GABRA4: variants seen among roughly 807,000 people sequenced by gnomAD.
The protein encoded by GABRA4 is gamma-aminobutyric acid receptor subunit alpha-4.
GABRA4 carries 12 observed loss-of-function variants against 49.7 expected under a neutral mutation model. The observed-to-expected ratio is 0.24, with a 90% CI of 0.15 to 0.39. The LOEUF (loss-of-function observed/expected upper bound fraction) is 0.39. GABRA4 is among the 10% of genes least tolerant of loss of function. The probability of loss-of-function intolerance (pLI) is 1.00; values close to 1 mark genes in which losing one functional copy is unlikely to be tolerated. For missense variants in GABRA4, 506 were observed against 686.0 expected, an observed-to-expected ratio of 0.74 and a Z score of 2.93; for synonymous variants, 288 against 240.2, an observed-to-expected ratio of 1.20 and a Z score of -1.84.
chr4:46,929,695 C>T (rs1721360592), intron 8 of GABRA4, among the ~76,000 whole-genome samples: 1 of 152,074 alleles, frequency 6.6e-6, no homozygotes, highest in Admixed American at 6.6e-5. Context: ...ATACCCACGT[C>T]TGAGTTTTTA....
intron 8 of GABRA4, among the ~76,000 whole-genome samples, chr4:46,964,479 G>A (rs1722683201): frequency 6.6e-6 from 1 of 151,796 alleles, no homozygotes; most frequent in African/African-American, 2.4e-5. Context: ...TTTCCATGAT[G>A]TGCTTATTTC....
chr4:46,978,776 C>A (rs1330628313), intron 3 of GABRA4, among the ~76,000 whole-genome samples: 1 of 149,214 alleles, frequency 6.7e-6, no homozygotes, highest in Non-Finnish European at 1.5e-5. Flanking sequence ...CTAGGTTGTG[C>A]TATAGGAACC....
At chr4:46,949,855 A>AT (rs1008882091) in intron 8 of GABRA4, among the ~76,000 whole-genome samples, 3 of 151,976 alleles carry the variant, frequency 2.0e-5, no homozygotes, top group Admixed American at 6.6e-5. Flanking sequence ...GGAGAGATTC[A>AT]TTTTTTTTAA....
At chr4:46,976,154 GAAGGA>G (rs2109391855) in intron 5 of GABRA4, among the ~76,000 whole-genome samples, 1 of 151,768 alleles carries the variant, frequency 6.6e-6, no homozygotes, top group South Asian at 2.1e-4. Context: ...GAGCTTAAGG[GAAGGA>G]ATCTCATATT....
At chr4:46,944,143 C>CA (rs1284216209) in intron 8 of GABRA4, among the ~76,000 whole-genome samples, 2 of 152,004 alleles carry the variant, frequency 1.3e-5, no homozygotes, top group African/African-American at 2.4e-5. Flanking sequence ...TCACCACACA[C>CA]AAAAAAGTAT....
intron 8 of GABRA4, among the ~76,000 whole-genome samples, chr4:46,956,455 C>G (rs948323092): frequency 1.3e-5 from 2 of 151,740 alleles, no homozygotes; most frequent in African/African-American, 4.8e-5. Flanking sequence ...GTTTATATAC[C>G]CTTTAGGAAT....
chr4:46,939,849 C>A (rs994163295), intron 8 of GABRA4, among the ~76,000 whole-genome samples: 2 of 151,844 alleles, frequency 1.3e-5, no homozygotes, highest in African/African-American at 4.8e-5. Context: ...TCTTACTGAT[C>A]GTTCTTACTC....
intron 8 of GABRA4, among the ~76,000 whole-genome samples, chr4:46,936,307 T>A (rs556798072): frequency 6.6e-6 from 1 of 152,272 alleles, no homozygotes; most frequent in Admixed American, 6.5e-5. Context: ...TGGAGTGCAA[T>A]GGCGTAATCT....
chr4:46,971,045 A>G (rs781008081), intron 7 of GABRA4, 38 bp downstream of exon 7: 1 of 1,580,836 alleles, frequency 6.3e-7, no homozygotes, highest in Non-Finnish European at 8.6e-7. Flanking sequence ...ATAAAATGTA[A>G]TGTGAACAAA....
intron 2 of GABRA4, among the ~76,000 whole-genome samples, chr4:46,990,812 C>T (rs1257050850): frequency 6.6e-6 from 1 of 152,316 alleles, no homozygotes; most frequent in Non-Finnish European, 1.5e-5. Flanking sequence ...GCAGTGTAGG[C>T]AACCTATCCC....
chr4:46,963,172 G>C (rs1353481944), intron 8 of GABRA4, among the ~76,000 whole-genome samples: 2 of 151,782 alleles, frequency 1.3e-5, no homozygotes, highest in African/African-American at 4.8e-5. Flanking sequence ...CATAGATTGG[G>C]AGAAAATATC....
At chr4:46,947,559 A>G (rs557662540) in intron 8 of GABRA4, among the ~76,000 whole-genome samples, 3 of 152,048 alleles carry the variant, frequency 2.0e-5, no homozygotes, top group African/African-American at 7.2e-5. Flanking sequence ...GAAGGATAGA[A>G]AGAAGAAAAG....
chr4:46,979,859 G>A (rs534735568), intron 2 of GABRA4, among the ~76,000 whole-genome samples: 16 of 152,160 alleles, frequency 1.1e-4, no homozygotes, highest in African/African-American at 2.6e-4. Flanking sequence ...ACTGTTTCCC[G>A]TATCTAAATA....
chr4:46,957,203 T>A (rs997071), intron 8 of GABRA4, among the ~76,000 whole-genome samples: 79,019 of 151,524 alleles, frequency 0.52, 20,919 homozygotes, highest in East Asian at 0.7. Context: ...TAAGGCCATA[T>A]CCTCAAGATC....
intron 8 of GABRA4, among the ~76,000 whole-genome samples, chr4:46,941,072 C>T (rs962524934): frequency 6.6e-6 from 1 of 151,790 alleles, no homozygotes; most frequent in African/African-American, 2.4e-5. Flanking sequence ...AGCTGAGTTG[C>T]AATTTATGGC....
At position 46,993,344 on chromosome 4, in the gene GABRA4, C is replaced by A; in HGVS notation, c.81G>T (p.Ala27=). 1 of 1,614,156 alleles carries A rather than the reference C, an allele frequency of 6.2e-7. No homozygotes were observed. The highest frequency in any genetic ancestry group is 8.5e-7 in the Non-Finnish European group (1 of 1,179,974). The part of the protein sequence containing the change: ...SFALLRFLCL[A]VCLNESPGQN... ...TCGCACCCCAGAGAACTCACCAAAC[C>A]GCCAGGCACAGGAAGCGCAGGAGGG... Residue 27 remains alanine (A), a synonymous_variant, in exon 1 of 9, where the codon GCG becomes GCT. Coordinates refer to ENST00000264318, the MANE Select transcript of GABRA4 (RefSeq NM_000809.4).
intron 8 of GABRA4, among the ~76,000 whole-genome samples, chr4:46,944,817 T>C (rs1329612060): frequency 6.6e-6 from 1 of 152,252 alleles, no homozygotes; most frequent in African/African-American, 2.4e-5. Context: ...TGCTTTTTCC[T>C]AGCCTAGCAT....
intron 8 of GABRA4, among the ~76,000 whole-genome samples, chr4:46,946,715 A>G (rs1721992987): frequency 6.6e-6 from 1 of 152,138 alleles, no homozygotes; most frequent in Non-Finnish European, 1.5e-5. Context: ...TTTAACAAAT[A>G]TCTGTTGAAT....
At position 46,974,325 on chromosome 4, in the gene GABRA4, T is replaced by C; in HGVS notation, c.628A>G (p.Lys210Glu). The change falls in exon 6 of 9, where the codon AAA (lysine) becomes GAA (glutamate). Residue 210 changes from lysine (K) to glutamate (E), a missense_variant. Physicochemically the swap from Lys to Glu is moderately conservative, Grantham distance 56. Transcript: ENST00000264318. Reference protein sequence around the residue: ...MIYTWTKGPEKSVEVPKESSS... With the variant: ...MIYTWTKGPEESVEVPKESSS... Reference sequence around the variant, plus strand: ...GACTCCTTCGGAACTTCAACTGATTTCTCAGGACCTTTTGTCCAGGTATAG... The same window carrying C: ...GACTCCTTCGGAACTTCAACTGATTCCTCAGGACCTTTTGTCCAGGTATAG... 6.2e-7 allele frequency: 1 copy of C among 1,611,786 alleles called. No homozygotes were observed. Among genetic ancestry groups the C allele is most frequent in the Non-Finnish European group, 8.5e-7 (1 of 1,178,542 alleles).
Sources: gnomAD v4.1 joint callset for allele counts (sites outside exome capture counted in the v4.1 genomes callset) on GRCh38, gnomAD v4.1.1 for gene constraint, MANE v1.5 for transcripts, NCBI Gene and HGNC (gene_info 2026-07-23, HGNC 2026-07-21) for gene names.